Variants in CACNA2D2 observed in about 807,000 individuals in gnomAD.
The protein encoded by CACNA2D2 is voltage-dependent calcium channel subunit alpha-2/delta-2.
A neutral mutation model predicts 166.4 loss-of-function variants in CACNA2D2; 48 were observed. The observed-to-expected ratio is 0.29, with a 90% CI of 0.23 to 0.37. The LOEUF is 0.37. Ranked by LOEUF, CACNA2D2 falls within the 10% of genes least tolerant of loss-of-function variation. The pLI, the probability that CACNA2D2 is intolerant of heterozygous loss-of-function variation, is 1.00. For synonymous variants in CACNA2D2, 561 were observed against 573.7 expected (o/e 0.98, Z 0.32); for missense variants, 1,122 against 1,433.0 (o/e 0.78, Z 3.50).
At chr3:50,391,316 G>A (rs186032139) in intron 4 of CACNA2D2, among the ~76,000 whole-genome samples, 5 of 152,266 alleles carry the variant, frequency 3.3e-5, no homozygotes, top group African/African-American at 1.2e-4. Context: ...GAGGCCCTGG[G>A]GCCAATGGCC....
intron 3 of CACNA2D2, among the ~76,000 whole-genome samples, chr3:50,426,845 C>G (rs1204510569): frequency 6.6e-6 from 1 of 152,204 alleles, no homozygotes; most frequent in Non-Finnish European, 1.5e-5. Flanking sequence ...CCACCACTAG[C>G]TCAGGCGGGT....
chr3:50,479,171 CTCCT>C (rs1270918905), intron 1 of CACNA2D2, among the ~76,000 whole-genome samples: 1 of 152,192 alleles, frequency 6.6e-6, no homozygotes, highest in East Asian at 1.9e-4. Flanking sequence ...CTCTCCCTCC[CTCCT>C]TGTCTCTCTC....
rs1247165165 is a variant in CACNA2D2, at chr3:50,427,684, C to A, written c.405+6629G>T. Among the ~76,000 whole-genome samples, 2 of 152,260 alleles carry A rather than the reference C, an allele frequency of 1.3e-5. No individual in the cohort carries two copies. The highest frequency in any genetic ancestry group is 2.9e-5 in the Non-Finnish European group (2 of 68,054). On this transcript the variant is annotated intron_variant, in intron 3 of 37. Transcript: ENST00000424201. This position sits in a 1 kb window ranked among gnomAD's most constrained non-coding sequence, Gnocchi z 4.7. ...TGCCTGTCCATCTACCATTACTGCA[C>A]CTTTTAGAGCTTCCCTAGTGTGGAG...
chr3:50,419,207 C>T (rs1010743938), intron 3 of CACNA2D2, among the ~76,000 whole-genome samples: 1 of 152,198 alleles, frequency 6.6e-6, no homozygotes, highest in African/African-American at 2.4e-5. Flanking sequence ...ATTTAGTGGG[C>T]TCCCTCTCTA....
chr3:50,437,245 C>T (rs1356071165), intron 2 of CACNA2D2, among the ~76,000 whole-genome samples: 1 of 152,200 alleles, frequency 6.6e-6, no homozygotes, highest in East Asian at 1.9e-4. Context: ...CCCATCAAGC[C>T]CACTGACCTG....
chr3:50,470,128 G>A (rs546261711), intron 2 of CACNA2D2, among the ~76,000 whole-genome samples: 128 of 152,342 alleles, frequency 8.4e-4, no homozygotes, highest in Middle Eastern at 6.8e-3. Flanking sequence ...CCCCAGCGCT[G>A]CCCTGCCAGG....
At chr3:50,396,450 C>T (rs982166323) in intron 3 of CACNA2D2, among the ~76,000 whole-genome samples, 2 of 152,170 alleles carry the variant, frequency 1.3e-5, no homozygotes, top group South Asian at 4.1e-4. Context: ...CAACCTTCTC[C>T]AGGTCCTGTA....
chr3:50,378,330 T>C lies in CACNA2D2; in HGVS notation c.1343A>G (p.Tyr448Cys). 6.4e-7 allele frequency: 1 copy of C among 1,551,670 alleles called. No individual in the cohort carries two copies. ...TCCGATGGAAGGGATCTCAAAATAG[T>C]AGCCTGTGAAGGAAGGAGAGGCAGA... ...LQWMACANKG[Y>C]YFEIPSIGAI... Residue 448 changes from tyrosine to cysteine, a missense_variant, in exon 14 of 38, where the codon TAC becomes TGC. This residue lies in a region of CACNA2D2 where 840 missense variants were observed against 1,166.8 expected (regional missense o/e 0.72). Coordinates refer to ENST00000424201, the MANE Select transcript of CACNA2D2 (RefSeq NM_006030.4).
chr3:50,484,487 C>G (rs972873584), intron 1 of CACNA2D2, among the ~76,000 whole-genome samples: 2 of 152,188 alleles, frequency 1.3e-5, no homozygotes, highest in East Asian at 3.9e-4. Context: ...GACCTCACCC[C>G]TCGGTGTGGC....
In CACNA2D2 at chr3:50,365,776, C is replaced by T; in HGVS notation, c.2915+34G>A. ...CTTCTGAGCCCTCCCGGCCAGGGAG[C>T]ACCTTCTCTACCCACCTCCCGCTCA... On this transcript the variant is annotated intron_variant, in intron 33 of 37. Coordinates refer to ENST00000424201, the MANE Select transcript of CACNA2D2 (RefSeq NM_006030.4). This position sits in a 1 kb window ranked among gnomAD's most constrained non-coding sequence, Gnocchi z 4.5. The T allele has an allele frequency of 6.2e-7, 1 of 1,613,118 alleles. No homozygotes were observed. The highest frequency in any genetic ancestry group is 8.5e-7 in the Non-Finnish European group (1 of 1,179,794).
intron 2 of CACNA2D2, among the ~76,000 whole-genome samples, chr3:50,452,855 G>T (rs149843709): frequency 6.6e-6 from 1 of 152,286 alleles, no homozygotes; most frequent in Non-Finnish European, 1.5e-5. Flanking sequence ...AAGAAGTGGG[G>T]CCCTGCATTG....
At chr3:50,370,913 CT>C (rs1704626658) in intron 22 of CACNA2D2, among the ~76,000 whole-genome samples, 1 of 152,084 alleles carries the variant, frequency 6.6e-6, no homozygotes, top group African/African-American at 2.4e-5. Context: ...TTTGGTAGGT[CT>C]TGCTTTTGTT....
At chr3:50,480,171 G>C (rs1033814704) in intron 1 of CACNA2D2, among the ~76,000 whole-genome samples, 1 of 152,162 alleles carries the variant, frequency 6.6e-6, no homozygotes, top group Non-Finnish European at 1.5e-5. Context: ...AAACAGACTT[G>C]TCCTGACTCC....
intron 1 of CACNA2D2, among the ~76,000 whole-genome samples, chr3:50,479,169 C>T (rs551887670): frequency 1.9e-4 from 29 of 152,322 alleles, no homozygotes; most frequent in African/African-American, 6.3e-4. Context: ...CACTCTCCCT[C>T]CCTCCTTGTC....
In CACNA2D2 at chr3:50,366,668, T is replaced by C. The variant is rs1203971074; in HGVS notation, c.2590-43A>G. ...AGGACCGTAAGCCACCCACCAGTTT[T>C]CCTCCCTCCCATCACCTTTCATACA... On this transcript the variant is annotated intron_variant, in intron 29 of 37. Transcript: ENST00000424201. This position sits in a 1 kb window ranked among gnomAD's most constrained non-coding sequence, Gnocchi z 5.9. 6.2e-7 allele frequency: 1 copy of C among 1,611,542 alleles called. No homozygotes were observed. The highest frequency in any genetic ancestry group is 8.5e-7 in the Non-Finnish European group (1 of 1,178,184).
At chr3:50,495,818 C>CT (rs1698701209) in intron 1 of CACNA2D2, among the ~76,000 whole-genome samples, 1 of 152,240 alleles carries the variant, frequency 6.6e-6, no homozygotes, top group African/African-American at 2.4e-5. Flanking sequence ...CACGCCCACC[C>CT]TCCAGATTTT....
chr3:50,384,690 C>T lies in CACNA2D2; in HGVS notation c.511-353G>A, dbSNP rs1168413221. On this transcript the variant is annotated intron_variant, in intron 5 of 37. Coordinates refer to ENST00000424201, the MANE Select transcript of CACNA2D2 (RefSeq NM_006030.4). ...CATGGAGCCAATCAGAAGGAGCAGG[C>T]TCCAGAATTCTGCTTACAAGGATGT... Among the ~76,000 whole-genome samples, 16 of 152,206 alleles carry T rather than the reference C, an allele frequency of 1.1e-4. 1 individual carries two copies. The highest frequency in any genetic ancestry group is 2.2e-4 in the Non-Finnish European group (15 of 68,026).
chr3:50,468,442 G>GTGTGTGTGT (rs1553751798), intron 2 of CACNA2D2, among the ~76,000 whole-genome samples: 19 of 52,588 alleles, frequency 3.6e-4, no homozygotes, highest in East Asian at 2.7e-3. Flanking sequence ...TGTGTGTGTG[G>GTGTGTGTGT]CTTTAGGAAA....
rs1553732561 is a variant in CACNA2D2, at chr3:50,387,573, C to T, written c.505G>A (p.Glu169Lys). The change falls in exon 5 of 38, where the codon GAG (glutamate) becomes AAG (lysine). Residue 169 changes from glutamate to lysine, a missense_variant. Transcript: ENST00000424201. Reference protein sequence around the residue: ...IVYYDAKADAELDDPESEDVE... With the variant: ...IVYYDAKADAKLDDPESEDVE... Reference sequence around the variant, plus strand: ...GCTCAGGAGGGGGTGCTCACCAGCTCAGCGTCAGCCTTGGCGTCATAGTAC... The same window carrying T: ...GCTCAGGAGGGGGTGCTCACCAGCTTAGCGTCAGCCTTGGCGTCATAGTAC... 5 of 1,613,858 alleles carry T rather than the reference C, an allele frequency of 3.1e-6. No homozygotes were observed. The highest frequency in any genetic ancestry group is 4.2e-6 in the Non-Finnish European group (5 of 1,179,802).
Sources: gnomAD v4.1 joint callset for allele counts (sites outside exome capture counted in the v4.1 genomes callset) on GRCh38, gnomAD v4.1.1 for gene constraint, gnomAD v4.1.1 regional missense constraint, Gnocchi (gnomAD v3.1) non-coding constraint, MANE v1.5 for transcripts, NCBI Gene and HGNC (gene_info 2026-07-23, HGNC 2026-07-21) for gene names.